The following C3orf49 variants were observed in gnomAD, a reference collection of about 807,000 sequenced individuals.
C3orf49 encodes the protein chromosome 3 open reading frame 49.
A neutral mutation model predicts 13.3 loss-of-function variants in C3orf49; 27 were observed. The observed-to-expected ratio is 2.02, with a 90% confidence interval of 1.49 to 2.79. The LOEUF is 2.79. C3orf49 is among the 30% of genes most tolerant of loss of function. C3orf49 has a pLI of 0.00. For missense variants in C3orf49, 242 were observed against 134.2 expected (o/e 1.80, Z -3.97); for synonymous variants, 87 against 47.6 (o/e 1.83, Z -3.40).
chr3:63,835,482 T>TAAAA, intron 5 of C3orf49: 1 of 1,184,864 alleles, frequency 8.4e-7, no homozygotes, highest in Admixed American at 2.3e-5. Flanking sequence ...ATAGGATTTT[T>TAAAA]AAAATAAAAA....
chr3:63,801,261 A>G, the C3orf49 span, among the ~76,000 whole-genome samples: 4 of 152,112 alleles, frequency 2.6e-5, no homozygotes, highest in Admixed American at 2.0e-4. Context: ...CTGAGCCTCA[A>G]ATTTTTTTTT....
At chr3:63,824,152 A>G (rs1265784751) in intron 2 of C3orf49, among the ~76,000 whole-genome samples, 2 of 152,058 alleles carry the variant, frequency 1.3e-5, no homozygotes, top group African/African-American at 4.8e-5. Context: ...GTTCAATTAA[A>G]CAGTGTTCTA....
At chr3:63,792,347 A>G in the C3orf49 span, among the ~76,000 whole-genome samples, 7 of 152,370 alleles carry the variant, frequency 4.6e-5, no homozygotes, top group African/African-American at 1.7e-4. Context: ...CTTTTCCACA[A>G]TTATATAGCT....
chr3:63,783,735 A>T, the C3orf49 span, among the ~76,000 whole-genome samples: 1 of 145,936 alleles, frequency 6.9e-6, no homozygotes, highest in Non-Finnish European at 1.5e-5. Context: ...AATTAAATTA[A>T]TTAATTCATT....
intron 2 of C3orf49, among the ~76,000 whole-genome samples, chr3:63,824,010 A>G (rs1432559125): frequency 6.6e-6 from 1 of 152,084 alleles, no homozygotes; most frequent in African/African-American, 2.4e-5. Flanking sequence ...CATATTGGCC[A>G]GGCTGGTCTT....
At chr3:63,840,685 G>C (rs754913070) in intron 5 of C3orf49, among the ~76,000 whole-genome samples, 2 of 152,230 alleles carry the variant, frequency 1.3e-5, no homozygotes, top group African/African-American at 4.8e-5. Context: ...TCCTGAGCTA[G>C]TGTTCTTTCC....
At chr3:63,823,922 A>C (rs1701434276) in intron 2 of C3orf49, among the ~76,000 whole-genome samples, 2 of 151,870 alleles carry the variant, frequency 1.3e-5, no homozygotes, top group Admixed American at 1.3e-4. Context: ...TCCCTCAGCC[A>C]CCTGAGTAGC....
chr3:63,795,299 G>T, the C3orf49 span, among the ~76,000 whole-genome samples: 1 of 152,232 alleles, frequency 6.6e-6, no homozygotes, highest in South Asian at 2.1e-4. Flanking sequence ...AAACGTCTAG[G>T]GGGTATTTGA....
chr3:63,817,979 C>G (rs1701344188), upstream of C3orf49, among the ~76,000 whole-genome samples: 3 of 152,104 alleles, frequency 2.0e-5, no homozygotes, highest in South Asian at 6.2e-4. Context: ...TTCATTTATT[C>G]AAGCACCTAT....
At chr3:63,785,059 C>CTTTTTTTT in the C3orf49 span, among the ~76,000 whole-genome samples, 2 of 116,216 alleles carry the variant, frequency 1.7e-5, no homozygotes, top group South Asian at 3.5e-4. Flanking sequence ...GACTTCTCTT[C>CTTTTTTTT]TTCTTCTTTT....
chr3:63,780,104 A>G, the C3orf49 span: 1 of 152,080 alleles, frequency 6.6e-6, no homozygotes, highest in Non-Finnish European at 1.5e-5. Context: ...CTCGTCATTT[A>G]ACATTAGGTA....
intron 5 of C3orf49, among the ~76,000 whole-genome samples, chr3:63,841,285 T>A (rs141153645): frequency 2.0e-3 from 308 of 152,326 alleles, no homozygotes; most frequent in African/African-American, 7.0e-3. Context: ...AAGAAACTTG[T>A]AATAGCGGTT....
the C3orf49 span, among the ~76,000 whole-genome samples, chr3:63,802,292 C>T: frequency 6.6e-6 from 1 of 152,304 alleles, no homozygotes; most frequent in East Asian, 1.9e-4. Context: ...TGACCAATCG[C>T]CCTTCCTAAC....
chr3:63,803,813 TC>T, the C3orf49 span, among the ~76,000 whole-genome samples: 1 of 152,124 alleles, frequency 6.6e-6, no homozygotes, highest in Non-Finnish European at 1.5e-5. Context: ...TAATTCAAGA[TC>T]ATTATATTTA....
At chr3:63,814,478 A>G (rs1215713606), upstream of C3orf49, among the ~76,000 whole-genome samples, 2 of 152,066 alleles carry the variant, frequency 1.3e-5, no homozygotes, top group African/African-American at 4.8e-5. Context: ...AATAGGAGTC[A>G]ACTGTTGTCA....
chr3:63,793,179 T>A, the C3orf49 span, among the ~76,000 whole-genome samples: 2 of 152,140 alleles, frequency 1.3e-5, no homozygotes, highest in Non-Finnish European at 2.9e-5. Flanking sequence ...CTATATCAAC[T>A]GTTTAAATCT....
At chr3:63,783,482 A>T in the C3orf49 span, among the ~76,000 whole-genome samples, 1 of 151,600 alleles carries the variant, frequency 6.6e-6, no homozygotes, top group East Asian at 1.9e-4. Context: ...GGAGATTGAG[A>T]CCATCCTGGC....
chr3:63,785,065 CTTT>C, the C3orf49 span, among the ~76,000 whole-genome samples: 1 of 64,968 alleles, frequency 1.5e-5, no homozygotes, highest in African/African-American at 6.8e-5. Context: ...TCTTCTTCTT[CTTT>C]TTTTTTTTTT....
intron 5 of C3orf49, among the ~76,000 whole-genome samples, chr3:63,838,706 A>C (rs1230550067): frequency 6.6e-6 from 1 of 152,020 alleles, no homozygotes; most frequent in Non-Finnish European, 1.5e-5. Context: ...TTACAAATGC[A>C]AAGGTGGGAT....
Sources: allele counts gnomAD v4.1 joint callset (sites outside exome capture counted in the v4.1 genomes callset), GRCh38; gene constraint gnomAD v4.1.1; transcripts MANE v1.5; gene names NCBI Gene and HGNC (gene_info 2026-07-23, HGNC 2026-07-21).